TPM2: variants seen among roughly 807,000 people sequenced by gnomAD.
TPM2 encodes the protein tropomyosin 2, also known as tropomyosin beta chain.
TPM2 carries 26 observed loss-of-function variants against 41.0 expected under a neutral mutation model. The observed-to-expected ratio is 0.63, with a 90% confidence interval of 0.46 to 0.88. The LOEUF (loss-of-function observed/expected upper bound fraction) is 0.88, where lower values mean the gene tolerates loss of function less well. Among genes scored for constraint, TPM2 ranks in the 40% least tolerant of loss-of-function variants. The pLI, the probability that TPM2 is intolerant of heterozygous loss-of-function variation, is 0.00. For missense variants in TPM2, 187 were observed against 355.2 expected, an observed-to-expected ratio of 0.53 and a Z score of 3.81; for synonymous variants, 143 against 139.3, an observed-to-expected ratio of 1.03 and a Z score of -0.19.
intron 2 of TPM2, 24 bp downstream of exon 2, chr9:35,689,122 A>G (rs1290475647): frequency 1.2e-6 from 2 of 1,613,758 alleles, no homozygotes; most frequent in East Asian, 2.2e-5. Context: ...AACTCCTCCC[A>G]TTGTCCCCCA....
chr9:35,689,314 C>T (rs1312477212), intron 1 of TPM2, 43 bp from the exon 2 acceptor site: 1 of 1,612,812 alleles, frequency 6.2e-7, no homozygotes, highest in Non-Finnish European at 8.5e-7. Context: ...GGAGGGGGCC[C>T]AGGCCCAGAA....
rs1825156762 is a variant in TPM2, at chr9:35,689,844, G to A, written c.-27C>T. 2 of 1,612,786 alleles carry A rather than the reference G, an allele frequency of 1.2e-6. No individual in the cohort carries two copies. Among genetic ancestry groups the A allele is most frequent in the Admixed American group, 1.7e-5 (1 of 59,962 alleles). On this transcript the variant is annotated 5_prime_UTR_variant, in exon 1 of 9. Coordinates refer to ENST00000645482, the MANE Select transcript of TPM2 (RefSeq NM_003289.4). ...GCTGCGGTGGGGGGTGGGCCGGCCG[G>A]CAGGCGGTGAGGACCGGACGGACTG...
chr9:35,688,245 C>T (rs1002887918), intron 2 of TPM2, among the ~76,000 whole-genome samples: 7 of 152,176 alleles, frequency 4.6e-5, no homozygotes, highest in Non-Finnish European at 7.3e-5. Context: ...AAGCCCAACC[C>T]CTGGGGGGCT....
At chr9:35,684,349 A>G in intron 7 of TPM2, 34 bp from the exon 8 acceptor site, 2 of 1,613,406 alleles carry the variant, frequency 1.2e-6, no homozygotes, top group Middle Eastern at 1.7e-4. Flanking sequence ...GAAATGGCAA[A>G]GAATTAGGCC....
At chr9:35,683,946 A>C in intron 8 of TPM2, 1 of 416,392 alleles carries the variant, frequency 2.4e-6, no homozygotes, top group Non-Finnish European at 4.5e-6. Flanking sequence ...AGAACTAGCT[A>C]GAAATGTAAA....
intron 8 of TPM2, among the ~76,000 whole-genome samples, chr9:35,683,522 G>C (rs2131846982): frequency 6.6e-6 from 1 of 152,318 alleles, no homozygotes; most frequent in East Asian, 1.9e-4. Flanking sequence ...CTCTCGACAA[G>C]CAGGAGTGCT....
At chr9:35,689,505 G>C (rs998681912) in intron 1 of TPM2, among the ~76,000 whole-genome samples, 199 bp downstream of exon 1, 4 of 152,250 alleles carry the variant, frequency 2.6e-5, no homozygotes, top group Admixed American at 2.0e-4. Flanking sequence ...GTGGAAACCA[G>C]GGGCCTGGGG....
In TPM2 at chr9:35,683,244, G is replaced by GGT. The variant is rs886063905; in HGVS notation, c.773-4_773-3insAC. On this transcript the variant is annotated splice_polypyrimidine_tract_variant and splice_region_variant and intron_variant, in intron 8 of 8. Transcript: ENST00000645482. Reference sequence around the variant, plus strand: ...CATCTTCTGGGCATAGACTTCATCTGGGGGGGGTCCAGGGAGGGGACCAGG... The same window carrying GGT: ...CATCTTCTGGGCATAGACTTCATCTGGTGGGGGGGTCCAGGGAGGGGACCAGG... The GGT allele has an allele frequency of 1.4e-6, 2 of 1,450,610 alleles. No homozygotes were observed. The highest frequency in any genetic ancestry group is 1.2e-5 in the South Asian group (1 of 81,602). The allele number at this position is 1,450,610 out of a possible 1,614,324, so 89.9% of individuals were successfully genotyped here. A position where few individuals can be genotyped will look rare whatever the true frequency, so the allele number is the denominator to read the frequency against.
intron 1 of TPM2, 99 bp downstream of exon 1, chr9:35,689,605 G>C (rs534617707): frequency 1.9e-6 from 3 of 1,590,658 alleles, no homozygotes; most frequent in East Asian, 2.2e-5. Context: ...GGGTGAGAGA[G>C]AGCCTTGGCG....
rs771477831 is a variant in TPM2 at position 35,685,034 on chromosome 9, T to C, written c.564-227A>G. On this transcript the variant is annotated intron_variant, in intron 5 of 8. Transcript: ENST00000645482. This position sits in a 1 kb window ranked among gnomAD's most constrained non-coding sequence, Gnocchi z 5.0. ...GAAGGTGAGCTGAGAGAAGGCGCCA[T>C]TGCCCAGAAAGGTTCAGAGGGGTCA... 5.6e-6 allele frequency: 9 copies of C among 1,614,118 alleles called. No individual in the cohort carries two copies. The South Asian group carries it at 7.7e-5, about 14-fold the overall frequency.
At chr9:35,687,788 G>T (rs1825008814) in intron 2 of TPM2, among the ~76,000 whole-genome samples, 1 of 152,118 alleles carries the variant, frequency 6.6e-6, no homozygotes, top group Non-Finnish European at 1.5e-5. Context: ...AAAGACTCTG[G>T]AAAGTTTGGG....
At position 35,683,239 on chromosome 9, in the gene TPM2, C is replaced by A; in HGVS notation, c.775G>T (p.Glu259Ter). 1 of 1,517,074 alleles carries A rather than the reference C, an allele frequency of 6.6e-7. No homozygotes were observed. The highest frequency in any genetic ancestry group is 2.5e-5 in the East Asian group (1 of 40,750). The allele number at this position is 1,517,074 out of a possible 1,614,324, so 94.0% of individuals were successfully genotyped here. The change falls in exon 9 of 9, where the codon GAA becomes TAA. Residue 259 changes from glutamate (E) to a stop codon, truncating the protein, a stop_gained and splice_region_variant. Coordinates refer to ENST00000645482, the MANE Select transcript of TPM2 (RefSeq NM_003289.4). LOFTEE classifies it high-confidence loss of function. ...TACTTCATCTTCTGGGCATAGACTTCATCTGGGGGGGGTCCAGGGAGGGGA... is the reference window on the plus strand; with the variant it reads ...TACTTCATCTTCTGGGCATAGACTTAATCTGGGGGGGGTCCAGGGAGGGGA... ...LEKTIDDLED[E>*]VYAQKMKYKA...
At position 35,685,365 on chromosome 9, in the gene TPM2, AG is replaced by A; in HGVS notation, c.493-27del. On this transcript the variant is annotated intron_variant, in intron 4 of 8. Coordinates refer to ENST00000645482, the MANE Select transcript of TPM2 (RefSeq NM_003289.4). This position sits in a 1 kb window ranked among gnomAD's most constrained non-coding sequence, Gnocchi z 5.0. ...CTGTGGGGAGTGAGAAAGAGAGGGT[AG>A]ATCAGTGGAGAAGGACTGGGCATGT... 1 of 1,614,198 alleles carries A rather than the reference AG, an allele frequency of 6.2e-7. No homozygotes were observed. Among genetic ancestry groups the A allele is most frequent in the Non-Finnish European group, 8.5e-7 (1 of 1,180,022 alleles).
In TPM2 at chr9:35,684,560, A is replaced by T. The variant is rs536026439; in HGVS notation, c.640-10T>A. The T allele has an allele frequency of 2.1e-5, 34 of 1,613,922 alleles. No individual in the cohort carries two copies. In the South Asian group the frequency reaches 3.5e-4, roughly 17 times the overall value. On this transcript the variant is annotated splice_polypyrimidine_tract_variant and intron_variant, in intron 6 of 8. Transcript: ENST00000645482. ...CTTCTTTGGTGGAATACTTTTGGGG[A>T]CACACACACGCCATCAGTACAGCGC...
At position 35,685,498 on chromosome 9, in the gene TPM2, A is replaced by T. The variant is rs1824848681; in HGVS notation, c.428T>A (p.Leu143Gln). 5.0e-6 allele frequency: 8 copies of T among 1,614,212 alleles called. No homozygotes were observed. Among genetic ancestry groups the T allele is most frequent in the Non-Finnish European group, 6.8e-6 (8 of 1,180,034 alleles). Residue 143 changes from leucine (L) to glutamine (Q), a missense_variant, in exon 4 of 9, where the codon CTG (leucine) becomes CAG (glutamine). Leu to Gln is a moderately radical substitution (Grantham distance 113). Transcript: ENST00000645482. This position sits in a 1 kb window ranked among gnomAD's most constrained non-coding sequence, Gnocchi z 5.0. ...GGCCTCCTTCAGCTGCATCTCCTGC[A>T]GTTCCATCTTCTCCTCATCCTTCAT... The part of the protein sequence containing the change: ...RAMKDEEKME[L>Q]QEMQLKEAKH...
chr9:35,686,325 T>G (rs1469589805), intron 2 of TPM2: 5 of 183,472 alleles, frequency 2.7e-5, no homozygotes, highest in African/African-American at 1.2e-4. Flanking sequence ...TCCTGCACTG[T>G]GCACAGTTAG....
At chr9:35,684,828 G>C (rs201630588) in intron 5 of TPM2, 21 bp from the exon 6 acceptor site, 12 of 1,613,430 alleles carry the variant, frequency 7.4e-6, no homozygotes, top group Admixed American at 5.0e-5. Flanking sequence ...TGTGTGGCGG[G>C]GGGGGCAGGG....
chr9:35,682,228 C>T (rs893871859), downstream of TPM2: 34 of 1,546,412 alleles, frequency 2.2e-5, no homozygotes, highest in Admixed American at 4.8e-4. Flanking sequence ...GGAGGCAGGG[C>T]CAGGGGAAGG....
Position 35,683,247 on chromosome 9 carries a change from G to GGC in TPM2, c.773-7_773-6insGC, listed in dbSNP as rs750664741. ...CTTCTGGGCATAGACTTCATCTGGG[G>GGC]GGGGTCCAGGGAGGGGACCAGGTGG... On this transcript the variant is annotated splice_polypyrimidine_tract_variant and splice_region_variant and intron_variant, in intron 8 of 8. Transcript: ENST00000645482. 25 of 1,552,554 alleles carry GGC rather than the reference G, an allele frequency of 1.6e-5. No homozygotes were observed. In the African/African-American group the frequency reaches 3.0e-4, roughly 19 times the overall value.
Sources: gnomAD v4.1 joint callset for allele counts (sites outside exome capture counted in the v4.1 genomes callset) on GRCh38, gnomAD v4.1.1 for gene constraint, Gnocchi (gnomAD v3.1) non-coding constraint, MANE v1.5 for transcripts, NCBI Gene and HGNC (gene_info 2026-07-23, HGNC 2026-07-21) for gene names.